HID1: variants seen among roughly 807,000 people sequenced by gnomAD.
HID1 encodes the protein protein HID1.
HID1 carries 42 observed loss-of-function variants against 89.7 expected under a neutral mutation model. The ratio of observed to expected loss-of-function variants is 0.47; its 90% CI spans 0.37 to 0.61. HID1 has a LOEUF of 0.61. Ranked by LOEUF, HID1 falls within the 20% of genes least tolerant of loss-of-function variation. The pLI, the probability that HID1 is intolerant of heterozygous loss-of-function variation, is 0.00. For synonymous variants in HID1, 442 were observed against 433.8 expected (o/e 1.02, Z -0.24); for missense variants, 854 against 1,039.3 (o/e 0.82, Z 2.45).
At chr17:74,955,297 C>G (rs1348328364) in intron 13 of HID1, among the ~76,000 whole-genome samples, 1 of 152,190 alleles carries the variant, frequency 6.6e-6, no homozygotes, top group Admixed American at 6.5e-5. Flanking sequence ...GTTATCCCAG[C>G]AGTTTGGGAG....
chr17:74,963,593 A>G, intron 3 of HID1, 147 bp downstream of exon 3: 1 of 755,682 alleles, frequency 1.3e-6, no homozygotes, highest in Non-Finnish European at 2.1e-6. Flanking sequence ...GTGGCATTGA[A>G]CACCATCCCT....
rs1240994441 is a variant in HID1, at chr17:74,953,650, G to A, written c.1866C>T (p.Gly622=). The change falls in exon 15 of 19, where the codon GGC becomes GGT. Residue 622 remains glycine (G), a splice_region_variant and synonymous_variant. Transcript: ENST00000425042. ...TLKTSLVATP[G]IDKLTEKSQV... is the part of the protein sequence containing the mutation. ...GGGACTTCTCGGTCAGCTTGTCAAT[G>A]CCTGGGCAGGGCACAGGTGGGAGTG... The A allele has an allele frequency of 2.0e-5, 32 of 1,613,522 alleles. No individual in the cohort carries two copies. The East Asian group carries it at 7.1e-4, about 36-fold the overall frequency.
chr17:74,962,834 C>T lies in HID1; in HGVS notation c.504+131G>A. The T allele has an allele frequency of 1.5e-6, 1 of 676,940 alleles. No individual in the cohort carries two copies. Among genetic ancestry groups the T allele is most frequent in the South Asian group, 1.8e-5 (1 of 54,662 alleles). 41.9% of individuals were successfully genotyped at this position (676,940 alleles called of 1,614,324 possible). A position where few individuals can be genotyped will look rare whatever the true frequency, so the allele number is the denominator to read the frequency against. ...CAGCTGCCACCCAGGCCTACATGTG[C>T]CAGGCAGCTCAGCTCTCCTGGAGCC... is the stretch of plus-strand genomic sequence containing the variant. On this transcript the variant is annotated intron_variant, in intron 4 of 18. Coordinates refer to ENST00000425042, the MANE Select transcript of HID1 (RefSeq NM_030630.3). This position sits in a 1 kb window ranked among gnomAD's most constrained non-coding sequence, Gnocchi z 4.3.
At position 74,952,320 on chromosome 17, in the gene HID1, A is replaced by C. The variant is rs757922429; in HGVS notation, c.2093T>G (p.Met698Arg). The change falls in exon 17 of 19, where the codon ATG (methionine) becomes AGG (arginine). Residue 698 changes from methionine (M) to arginine (R), a missense_variant. By Grantham distance (91) the Met-to-Arg change is moderately conservative. Coordinates refer to ENST00000425042, the MANE Select transcript of HID1 (RefSeq NM_030630.3). ...CGGAACCAGCACCTGCAGCAGCCTC[A>C]TGATGGTCTGCAGCGGCAGCTTCGA... ...WKSKLPLQTI[M>R]RLLQVLVPQV... 1.9e-6 allele frequency: 3 copies of C among 1,613,648 alleles called. No homozygotes were observed. Among genetic ancestry groups the C allele is most frequent in the African/African-American group, 2.7e-5 (2 of 74,878 alleles).
At position 74,953,608 on chromosome 17, in the gene HID1, G is replaced by T. The variant is rs2039341039; in HGVS notation, c.1908C>A (p.Gly636=). 1.9e-6 allele frequency: 3 copies of T among 1,614,110 alleles called. No individual in the cohort carries two copies. Among genetic ancestry groups the T allele is most frequent in the Non-Finnish European group, 2.5e-6 (3 of 1,179,984 alleles). ...GCTCAGGTTCCAGGGACCGCAAGGTGCCATCCTCTGACACCTGGGACTTCT... is the reference window on the plus strand; with the variant it reads ...GCTCAGGTTCCAGGGACCGCAAGGTTCCATCCTCTGACACCTGGGACTTCT... ...LTEKSQVSED[G]TLRSLEPEPQ... Residue 636 remains glycine (G), a synonymous_variant, in exon 15 of 19, where the codon GGC becomes GGA. Coordinates refer to ENST00000425042, the MANE Select transcript of HID1 (RefSeq NM_030630.3).
Position 74,951,934 on chromosome 17 carries a change from G to A in HID1, c.2274C>T (p.Arg758=). The A allele has an allele frequency of 6.4e-7, 1 of 1,551,562 alleles. No individual in the cohort carries two copies. The highest frequency in any genetic ancestry group is 2.3e-5 in the East Asian group (1 of 43,412). The change falls in exon 18 of 19, where the codon CGC becomes CGT. Residue 758 remains arginine (R), a synonymous_variant. Transcript: ENST00000425042. ...GATAGATGACGCCCCACATGTAGGT[G>A]CGGAACCACATGGCAGTGCCCGAGT... ...QANSGTAMWF[R]TYMWGVIYLR...
At position 74,963,106 on chromosome 17, in the gene HID1, G is replaced by A. The variant is rs946103114; in HGVS notation, c.388-25C>T. 4 of 1,535,588 alleles carry A rather than the reference G, an allele frequency of 2.6e-6. No homozygotes were observed. In the African/African-American group the frequency reaches 5.5e-5, roughly 21 times the overall value. On this transcript the variant is annotated intron_variant, in intron 3 of 18. Coordinates refer to ENST00000425042, the MANE Select transcript of HID1 (RefSeq NM_030630.3). ...GCTGGGGACACAGCACCCACAGGCT[G>A]CCTCAGTGATAGCTGGCCAGGAAGA... is the stretch of plus-strand genomic sequence containing the variant.
In HID1 at chr17:74,963,664, C is replaced by T. The variant is rs1225112485; in HGVS notation, c.387+76G>A. The T allele has an allele frequency of 3.6e-6, 5 of 1,393,654 alleles. No individual in the cohort carries two copies. The Admixed American group carries it at 1.1e-4, about 31-fold the overall frequency. 86.3% of individuals were successfully genotyped at this position (1,393,654 alleles called of 1,614,324 possible). On this transcript the variant is annotated intron_variant, in intron 3 of 18. Transcript: ENST00000425042. ...AAATCCCAGAAGAGGCTTGGAGGAG[C>T]ATGGCCGGCCCTAAAGGGCGCTCTC...
In HID1 at chr17:74,951,612, C is replaced by T. The variant is rs1361949793; in HGVS notation, c.2325G>A (p.Trp775Ter). The T allele has an allele frequency of 1.2e-6, 2 of 1,612,890 alleles. No homozygotes were observed. The highest frequency in any genetic ancestry group is 1.7e-6 in the Non-Finnish European group (2 of 1,179,556). Residue 775 changes from tryptophan (W) to a stop codon, truncating the protein, a stop_gained, in exon 19 of 19, where the codon TGG becomes TGA. Transcript: ENST00000425042. LOFTEE classifies it high-confidence loss of function. ...CAAACAGCTTCACGTCGGTGTCGTA[C>T]CAGACAGGGGGGTCCACATTCCTGT... The part of the protein sequence containing the change: ...IYLRNVDPPV[W>*]YDTDVKLFEI...
chr17:74,953,692 G>T, intron 14 of HID1, 41 bp from the exon 15 acceptor site: 2 of 1,501,796 alleles, frequency 1.3e-6, no homozygotes, highest in Non-Finnish European at 1.9e-6. Flanking sequence ...CCCTGCCACA[G>T]TGACCCTTCT....
At chr17:74,956,500 C>A (rs1305671650) in intron 12 of HID1, among the ~76,000 whole-genome samples, 1 of 152,204 alleles carries the variant, frequency 6.6e-6, no homozygotes, top group Non-Finnish European at 1.5e-5. Context: ...CCTCACTAGG[C>A]TGAGGGCTCC....
In HID1 at chr17:74,952,251, T is replaced by C. The variant is rs771311648; in HGVS notation, c.2144+18A>G. 1 of 1,561,724 alleles carries C rather than the reference T, an allele frequency of 6.4e-7. No individual in the cohort carries two copies. Among genetic ancestry groups the C allele is most frequent in the Non-Finnish European group, 8.8e-7 (1 of 1,139,608 alleles). On this transcript the variant is annotated intron_variant, in intron 17 of 18. Transcript: ENST00000425042. ...CGGCCCCGCCCACAACCCCCGGCCC[T>C]GCCGGCGCCCGACTCACTTGTCAAT...
intron 16 of HID1, among the ~76,000 whole-genome samples, 180 bp from the exon 17 acceptor site, chr17:74,952,540 T>C (rs1443730006): frequency 6.6e-6 from 1 of 152,112 alleles, no homozygotes; most frequent in African/African-American, 2.4e-5. Flanking sequence ...GCAAGCGCCA[T>C]GGCCCCGCGT....
intron 1 of HID1, among the ~76,000 whole-genome samples, chr17:74,965,804 C>A (rs2039553719): frequency 5.9e-5 from 9 of 151,886 alleles, no homozygotes; most frequent in Admixed American, 5.2e-4. Flanking sequence ...GTAATCCCAG[C>A]TACTCGGGAA....
intron 2 of HID1, 58 bp from the exon 3 acceptor site, chr17:74,963,968 C>T: frequency 6.3e-7 from 1 of 1,594,450 alleles, no homozygotes. Flanking sequence ...GACCCTGGCA[C>T]TTGGGGTCAG....
chr17:74,958,302 G>A lies in HID1; in HGVS notation c.1392+25C>T, dbSNP rs1389882486. Reference sequence around the variant, plus strand: ...GAGGACACCACCCCTGCACCTCCTGGGCCCGGCCGCACGAGCCCCCTCACC... The same window carrying A: ...GAGGACACCACCCCTGCACCTCCTGAGCCCGGCCGCACGAGCCCCCTCACC... On this transcript the variant is annotated intron_variant, in intron 11 of 18. Transcript: ENST00000425042. The surrounding 1 kb of genome is among the most constrained non-coding windows in gnomAD (Gnocchi z 5.2). 6.2e-7 allele frequency: 1 copy of A among 1,611,582 alleles called. No individual in the cohort carries two copies. Among genetic ancestry groups the A allele is most frequent in the South Asian group, 1.1e-5 (1 of 90,580 alleles).
At position 74,958,149 on chromosome 17, in the gene HID1, A is replaced by T; in HGVS notation, c.1463T>A (p.Val488Glu). 1 of 1,608,256 alleles carries T rather than the reference A, an allele frequency of 6.2e-7. No individual in the cohort carries two copies. Residue 488 changes from valine to glutamate, a missense_variant, in exon 12 of 19, where the codon GTG becomes GAG. Physicochemically the swap from Val to Glu is moderately radical, Grantham distance 121 (BLOSUM62 -2). Transcript: ENST00000425042. The surrounding 1 kb of genome is among the most constrained non-coding windows in gnomAD (Gnocchi z 5.2). ...AAGCTCCGGGCCCCTACCGTTGACC[A>T]CGATGGTGAGCAGGCAGTCGAAGAG... The part of the protein sequence containing the change: ...QPLFDCLLTI[V>E]VNVSPYLKSL...
intron 16 of HID1, 105 bp from the exon 17 acceptor site, chr17:74,952,465 C>T: frequency 2.7e-6 from 2 of 751,268 alleles, no homozygotes; most frequent in East Asian, 2.6e-5. Flanking sequence ...CAGAAAGTAC[C>T]CCTGCTCCTT....
Position 74,972,715 on chromosome 17 carries a change from A to G in HID1, c.-59T>C, listed in dbSNP as rs542744827. 8.0e-5 allele frequency: 117 copies of G among 1,454,264 alleles called. No individual in the cohort carries two copies. In the African/African-American group the frequency reaches 1.5e-3, roughly 19 times the overall value. The allele number at this position is 1,454,264 out of a possible 1,614,324, so 90.1% of individuals were successfully genotyped here. A position where few individuals can be genotyped will look rare whatever the true frequency, so the allele number is the denominator to read the frequency against. On this transcript the variant is annotated 5_prime_UTR_variant, in exon 1 of 19. Transcript: ENST00000425042. The surrounding 1 kb of genome is among the most constrained non-coding windows in gnomAD (Gnocchi z 6.4). ...CAGACTCCAACCCGGCTCCGGCTTCAGCTCCGGCTCCAGCTCCGCGGCCCC... is the reference window on the plus strand; with the variant it reads ...CAGACTCCAACCCGGCTCCGGCTTCGGCTCCGGCTCCAGCTCCGCGGCCCC...
Sources: gnomAD v4.1 joint callset for allele counts (sites outside exome capture counted in the v4.1 genomes callset) on GRCh38, gnomAD v4.1.1 for gene constraint, Gnocchi (gnomAD v3.1) non-coding constraint, MANE v1.5 for transcripts, NCBI Gene and HGNC (gene_info 2026-07-23, HGNC 2026-07-21) for gene names.